The following DIP2B variants were observed in gnomAD, a reference collection of about 807,000 sequenced individuals.
The protein encoded by DIP2B is DIP2 acetate--CoA ligase B (putative), also known as disco-interacting protein 2 homolog B.
DIP2B carries 76 observed loss-of-function variants against 198.0 expected under a neutral mutation model. The ratio of observed to expected loss-of-function variants is 0.38; its 90% CI spans 0.32 to 0.46. DIP2B has a LOEUF of 0.46. Ranked by LOEUF, DIP2B falls within the 20% of genes least tolerant of loss-of-function variation. The probability of loss-of-function intolerance (pLI) is 0.99; values close to 1 mark genes in which losing one functional copy is unlikely to be tolerated. For missense variants in DIP2B, 1,559 were observed against 1,978.4 expected (o/e 0.79, Z 4.02); for synonymous variants, 701 against 739.1 (o/e 0.95, Z 0.84).
chr12:50,727,799 T>G lies in DIP2B; in HGVS notation c.3497T>G (p.Leu1166Arg). The change falls in exon 29 of 38, where the codon CTT (leucine) becomes CGT (arginine). Residue 1166 changes from leucine (L) to arginine (R), a missense_variant. Leu to Arg is a moderately radical substitution (Grantham distance 102). Coordinates refer to ENST00000301180, the MANE Select transcript of DIP2B (RefSeq NM_173602.3). ...TTTAGTGTCTCCACAACTGGCATGCTTACAGGAGTGAAGGTAAGGTGCATG... is the reference window on the plus strand; with the variant it reads ...TTTAGTGTCTCCACAACTGGCATGCGTACAGGAGTGAAGGTAAGGTGCATG... ...LDFSVSTTGM[L>R]TGVKMSHSAV... 1 of 1,613,958 alleles carries G rather than the reference T, an allele frequency of 6.2e-7. No individual in the cohort carries two copies. Among genetic ancestry groups the G allele is most frequent in the Non-Finnish European group, 8.5e-7 (1 of 1,179,872 alleles).
intron 3 of DIP2B, among the ~76,000 whole-genome samples, chr12:50,641,604 T>C (rs1410944874): frequency 6.6e-6 from 1 of 152,056 alleles, no homozygotes; most frequent in Non-Finnish European, 1.5e-5. Flanking sequence ...CACAATGAAA[T>C]TTCAAATTAG....
At chr12:50,659,116 C>T (rs1938602573) in intron 3 of DIP2B, among the ~76,000 whole-genome samples, 1 of 152,086 alleles carries the variant, frequency 6.6e-6, no homozygotes, top group African/African-American at 2.4e-5. Flanking sequence ...ACATAGGCTA[C>T]CTTAAATAGC....
Position 50,739,609 on chromosome 12 carries a change from T to C in DIP2B, c.4354+23T>C, listed in dbSNP as rs773194077. The C allele has an allele frequency of 1.9e-6, 3 of 1,610,096 alleles. No individual in the cohort carries two copies. In the Admixed American group the frequency reaches 5.0e-5, roughly 27 times the overall value. On this transcript the variant is annotated intron_variant, in intron 36 of 37. Coordinates refer to ENST00000301180, the MANE Select transcript of DIP2B (RefSeq NM_173602.3). The stretch of plus-strand genomic sequence containing the variant: ...GAGGTACTTCTGCAACAACTCCCCA[T>C]TGACCCTGCTTTGTGTTTCTGTAGC...
intron 1 of DIP2B, among the ~76,000 whole-genome samples, chr12:50,576,941 G>A (rs1435558975): frequency 2.0e-5 from 3 of 151,842 alleles, no homozygotes; most frequent in Non-Finnish European, 2.9e-5. Context: ...TCGGCTCAGT[G>A]TAACATCCGC....
intron 9 of DIP2B, among the ~76,000 whole-genome samples, chr12:50,682,297 G>T (rs1294161635): frequency 6.6e-6 from 1 of 152,058 alleles, no homozygotes; most frequent in Non-Finnish European, 1.5e-5. Flanking sequence ...TGCATTGTTG[G>T]GTAAGGGAAC....
intron 19 of DIP2B, among the ~76,000 whole-genome samples, chr12:50,702,353 A>G (rs967770990): frequency 6.6e-6 from 1 of 151,358 alleles, no homozygotes. Context: ...CTCAAAAAAA[A>G]AAGAGTTCAA....
chr12:50,594,769 A>T (rs1167242480), intron 1 of DIP2B, among the ~76,000 whole-genome samples: 1 of 152,204 alleles, frequency 6.6e-6, no homozygotes, highest in East Asian at 1.9e-4. Context: ...ATATTAAAAG[A>T]TATTTATGGT....
chr12:50,656,138 A>G (rs1230179054), intron 3 of DIP2B, among the ~76,000 whole-genome samples: 2 of 152,206 alleles, frequency 1.3e-5, no homozygotes, highest in Non-Finnish European at 2.9e-5. Context: ...GGAGGTATTA[A>G]TATGAACTCA....
At chr12:50,651,807 C>T (rs1044257484) in intron 3 of DIP2B, among the ~76,000 whole-genome samples, 6 of 152,046 alleles carry the variant, frequency 3.9e-5, no homozygotes, top group Non-Finnish European at 7.4e-5. Context: ...TGGACTCAAG[C>T]GATTCTCCCC....
Position 50,685,941 on chromosome 12 carries a change from A to G in DIP2B, c.1426A>G (p.Ile476Val). 6.2e-7 allele frequency: 1 copy of G among 1,613,892 alleles called. No homozygotes were observed. Among genetic ancestry groups the G allele is most frequent in the Non-Finnish European group, 8.5e-7 (1 of 1,179,824 alleles). Residue 476 changes from isoleucine (I) to valine (V), a missense_variant, in exon 11 of 38, where the codon ATT becomes GTT. Transcript: ENST00000301180. ...ACTGCCAAAAACCCAGAATGGAGAA[A>G]TTGTACAGTTTAAAGGTTAGTAACA... ...KGLPKTQNGE[I>V]VQFKGWPRLK...
intron 4 of DIP2B, among the ~76,000 whole-genome samples, chr12:50,667,345 A>G (rs1234306539): frequency 6.6e-6 from 1 of 152,192 alleles, no homozygotes; most frequent in Non-Finnish European, 1.5e-5. Context: ...CTTAGGGAAG[A>G]TGTTTTATTT....
chr12:50,549,659 A>T (rs182855920), intron 1 of DIP2B, among the ~76,000 whole-genome samples: 1 of 142,204 alleles, frequency 7.0e-6, no homozygotes, highest in Admixed American at 7.7e-5. Flanking sequence ...AGATAGTGCC[A>T]CTGCACTCCA....
At chr12:50,505,992 A>G (rs1957965434) in intron 1 of DIP2B, among the ~76,000 whole-genome samples, 1 of 151,766 alleles carries the variant, frequency 6.6e-6, no homozygotes, top group Non-Finnish European at 1.5e-5. Flanking sequence ...CTTTCTTTTG[A>G]CAATGGATTG....
chr12:50,641,808 G>A (rs934465872), intron 3 of DIP2B, among the ~76,000 whole-genome samples: 1 of 152,114 alleles, frequency 6.6e-6, no homozygotes, highest in Non-Finnish European at 1.5e-5. Flanking sequence ...CCCTTCCCAT[G>A]CCCACTTCCT....
At chr12:50,703,980 A>G (rs910096766) in intron 19 of DIP2B, among the ~76,000 whole-genome samples, 160 bp from the exon 20 acceptor site, 2 of 151,530 alleles carry the variant, frequency 1.3e-5, no homozygotes, top group African/African-American at 4.8e-5. Flanking sequence ...GAGGTAAACA[A>G]TAAATTGTAA....
At chr12:50,668,731 ACCTTGAAAATAC>A (rs1198870112) in intron 4 of DIP2B, among the ~76,000 whole-genome samples, 1 of 152,200 alleles carries the variant, frequency 6.6e-6, no homozygotes, top group Non-Finnish European at 1.5e-5. Context: ...GAGATAACTT[ACCTTGAAAATAC>A]TTTATTCTTA....
At chr12:50,513,797 C>T (rs1168885461) in intron 1 of DIP2B, among the ~76,000 whole-genome samples, 1 of 150,664 alleles carries the variant, frequency 6.6e-6, no homozygotes, top group Non-Finnish European at 1.5e-5. Context: ...TTGCTTGAAC[C>T]TGGGAGGCGG....
Position 50,640,103 on chromosome 12 carries a change from A to AT in DIP2B, c.173-613dup, listed in dbSNP as rs564794382. On this transcript the variant is annotated intron_variant, in intron 2 of 37. Transcript: ENST00000301180. ...CATCTCGTTAAGTTTTTTTATTGTAATTTTTTTTAAGAAACAGATTTGGAA... is the reference window on the plus strand; with the variant it reads ...CATCTCGTTAAGTTTTTTTATTGTAATTTTTTTTTAAGAAACAGATTTGGAA... 1.3e-3 allele frequency among the ~76,000 whole-genome samples: 192 copies of AT among 152,114 alleles called. 2 individuals carry two copies. The highest frequency in any genetic ancestry group is 4.4e-3 in the African/African-American group (181 of 41,502).
chr12:50,628,522 C>T (rs1028153252), intron 2 of DIP2B, among the ~76,000 whole-genome samples: 3 of 152,280 alleles, frequency 2.0e-5, no homozygotes, highest in African/African-American at 7.2e-5. Context: ...GCTGCATTGC[C>T]CCCTTGGTAT....
Sources: gnomAD v4.1 joint callset for allele counts (sites outside exome capture counted in the v4.1 genomes callset) on GRCh38, gnomAD v4.1.1 for gene constraint, MANE v1.5 for transcripts, NCBI Gene and HGNC (gene_info 2026-07-23, HGNC 2026-07-21) for gene names.